The following BPIFC variants were observed in gnomAD, a reference collection of about 807,000 sequenced individuals.
The protein encoded by BPIFC is BPI fold containing family C, also known as BPI fold-containing family C protein.
Under a neutral mutation model 57.6 loss-of-function variants are expected in BPIFC, and 60 were observed. The ratio of observed to expected loss-of-function variants is 1.04; its 90% confidence interval spans 0.85 to 1.29. The LOEUF is 1.29. Among genes scored for constraint, BPIFC ranks in the 50% most tolerant of loss-of-function variants. The probability of loss-of-function intolerance (pLI) is 0.00; values close to 1 mark genes in which losing one functional copy is unlikely to be tolerated. For missense variants in BPIFC, 581 were observed against 600.5 expected, an observed-to-expected ratio of 0.97 and a Z score of 0.34; for synonymous variants, 243 against 224.5, an observed-to-expected ratio of 1.08 and a Z score of -0.74.
At position 32,432,383 on chromosome 22, in the gene BPIFC, G is replaced by A. The variant is rs200495148; in HGVS notation, c.1139C>T (p.Ser380Phe). ...PKNSTVETIV[S>F]MDFVASTSVG... is the part of the protein sequence containing the mutation. ...TCTCCCCAGACTTACGAAGTCCATG[G>A]AAACGATGGTTTCAACTGTGGAGTT... Residue 380 changes from serine to phenylalanine, a missense_variant, in exon 12 of 17, where the codon TCC (serine) becomes TTC (phenylalanine). Coordinates refer to ENST00000300399, the MANE Select transcript of BPIFC (RefSeq NM_174932.3). The A allele has an allele frequency of 1.9e-5, 30 of 1,613,902 alleles. No homozygotes were observed. Among genetic ancestry groups the A allele is most frequent in the Middle Eastern group, 1.7e-4 (1 of 6,000 alleles).
In BPIFC at chr22:32,431,404, G is replaced by A. The variant is rs778186144; in HGVS notation, c.1160C>T (p.Thr387Ile). ...TIVSMDFVAS[T>I]SVGLVILGQR... is the part of the protein sequence containing the mutation. ...TCCCAAAATAACCAGGCCAACACTG[G>A]TACTAGCAACCTATAGACAATAAAA... Residue 387 changes from threonine to isoleucine, a missense_variant, in exon 13 of 17, where the codon ACC (threonine) becomes ATC (isoleucine). Transcript: ENST00000300399. 2.5e-6 allele frequency: 4 copies of A among 1,609,186 alleles called. No individual in the cohort carries two copies. In the South Asian group the frequency reaches 4.4e-5, roughly 18 times the overall value.
rs531294549 is a variant in BPIFC at position 32,446,261 on chromosome 22, A to G, written c.375-265T>C. 3.9e-5 allele frequency among the ~76,000 whole-genome samples: 6 copies of G among 152,316 alleles called. No individual in the cohort carries two copies. In the South Asian group the frequency reaches 1.2e-3, roughly 32 times the overall value. On this transcript the variant is annotated intron_variant, in intron 5 of 16. Transcript: ENST00000300399. Reference sequence around the variant, plus strand: ...CCTGAGTGCTCTGGCCCTGGCAGCGAGTGAGCTTGTATTGAGCACCCTTCA... The same window carrying G: ...CCTGAGTGCTCTGGCCCTGGCAGCGGGTGAGCTTGTATTGAGCACCCTTCA...
intron 3 of BPIFC, among the ~76,000 whole-genome samples, chr22:32,454,721 T>C (rs1934991446): frequency 6.6e-6 from 1 of 152,136 alleles, no homozygotes; most frequent in African/African-American, 2.4e-5. Flanking sequence ...AAAAAAATAT[T>C]GCAATATGGT....
chr22:32,436,239 A>C (rs5754084), intron 9 of BPIFC, among the ~76,000 whole-genome samples: 42,368 of 151,836 alleles, frequency 0.28, 7,279 homozygotes, highest in South Asian at 0.41. Flanking sequence ...AGCTGCAGTG[A>C]ATTGTGACTG....
In BPIFC at chr22:32,414,387, T is replaced by A. The variant is rs777731691; in HGVS notation, c.1440A>T (p.Thr480=). ...GGAAACTTGGCTGCTGCTTTGAGGA[T>A]GTTTCATACTTCAGGTCGGTGGAAA... The part of the protein sequence containing the change: ...LLISTDLKYE[T]SSKQQPSFHV... Residue 480 remains threonine, a synonymous_variant, in exon 17 of 17, where the codon ACA becomes ACT. Coordinates refer to ENST00000300399, the MANE Select transcript of BPIFC (RefSeq NM_174932.3). The A allele has an allele frequency of 3.1e-6, 5 of 1,614,064 alleles. No homozygotes were observed. In the East Asian group the frequency reaches 6.7e-5, roughly 22 times the overall value.
chr22:32,416,056 G>T, intron 15 of BPIFC, 65 bp from the exon 16 acceptor site: 140 of 809,612 alleles, frequency 1.7e-4, no homozygotes, highest in Non-Finnish European at 2.3e-4. Context: ...AAGCTTTTTA[G>T]TAAGAGACTG....
chr22:32,430,415 C>T (rs1165108181), intron 13 of BPIFC, among the ~76,000 whole-genome samples: 1 of 151,446 alleles, frequency 6.6e-6, no homozygotes, highest in Non-Finnish European at 1.5e-5. Context: ...GTTTATATTG[C>T]TGTACCATTA....
rs1223346653 is a variant in BPIFC, at chr22:32,424,600, T to TCTTCTTCTTCTTCTTCTTCTCCTC, written c.1218-5197_1218-5196insGAGGAGAAGAAGAAGAAGAAGAAG. Among the ~76,000 whole-genome samples the TCTTCTTCTTCTTCTTCTTCTCCTC allele has an allele frequency of 2.2e-4, 17 of 78,604 alleles. 2 individuals carry two copies. The highest frequency in any genetic ancestry group is 9.9e-4 in the African/African-American group (12 of 12,066). The allele number at this position is 78,604 out of a possible 152,430, so 51.6% of individuals were successfully genotyped here. ...TTCTTCTTCTTCTTCTTCTTCTTCT[T>TCTTCTTCTTCTTCTTCTTCTCCTC]CTCCTCCTCCTCCTCCTCCTCCTCC... is the stretch of plus-strand genomic sequence containing the variant. On this transcript the variant is annotated intron_variant, in intron 13 of 16. Coordinates refer to ENST00000300399, the MANE Select transcript of BPIFC (RefSeq NM_174932.3).
chr22:32,445,801 C>T (rs761850377), intron 6 of BPIFC, 40 bp downstream of exon 6: 1 of 1,611,626 alleles, frequency 6.2e-7, no homozygotes. Flanking sequence ...GAGTATCCAG[C>T]CCCTAACTAG....
At chr22:32,416,482 A>T (rs1052213343) in intron 15 of BPIFC, among the ~76,000 whole-genome samples, 1 of 152,198 alleles carries the variant, frequency 6.6e-6, no homozygotes, top group African/African-American at 2.4e-5. Context: ...ATTGCTCATT[A>T]ATCTGTGATT....
intron 4 of BPIFC, among the ~76,000 whole-genome samples, chr22:32,450,853 G>A (rs771670980): frequency 2.6e-5 from 4 of 152,004 alleles, no homozygotes; most frequent in African/African-American, 4.8e-5. Context: ...TCTGAAATAC[G>A]TCTTGTTCCA....
intron 1 of BPIFC, 115 bp downstream of exon 1, chr22:32,464,259 A>C (rs1601492059): frequency 3.0e-6 from 1 of 334,804 alleles, no homozygotes; most frequent in Non-Finnish European, 4.2e-6. Context: ...GCAGACAATA[A>C]TAATAACCCA....
intron 14 of BPIFC, among the ~76,000 whole-genome samples, chr22:32,417,422 C>T (rs954167941): frequency 1.9e-4 from 29 of 152,148 alleles, no homozygotes; most frequent in African/African-American, 5.6e-4. Context: ...AACCTCCAAT[C>T]TTGACCTTCC....
At chr22:32,426,413 C>G (rs1326526513) in intron 13 of BPIFC, among the ~76,000 whole-genome samples, 1 of 152,168 alleles carries the variant, frequency 6.6e-6, no homozygotes, top group African/African-American at 2.4e-5. Context: ...TTCAACACAG[C>G]CTTGGCTCCT....
chr22:32,433,112 AG>A (rs1934294821), intron 11 of BPIFC, among the ~76,000 whole-genome samples: 1 of 152,124 alleles, frequency 6.6e-6, no homozygotes. Flanking sequence ...CTGAGTTGGG[AG>A]GATCACTTGA....
At chr22:32,417,692 G>A (rs1933722313) in intron 14 of BPIFC, among the ~76,000 whole-genome samples, 1 of 152,168 alleles carries the variant, frequency 6.6e-6, no homozygotes, top group East Asian at 1.9e-4. Flanking sequence ...ACTACATGGT[G>A]CCAGCAAATG....
Position 32,419,411 on chromosome 22 carries a change from G to A in BPIFC, c.1218-7C>T, listed in dbSNP as rs55807703. 0.042 allele frequency: 68,185 copies of A among 1,611,614 alleles called. 1,741 individuals are homozygous for A. The highest frequency in any genetic ancestry group is 0.044 in the Non-Finnish European group (52,097 of 1,178,228). ...TGGCAAAGCAAGGCGGAATCTAAAA[G>A]AAAACAAGAAAAGTTTAAAGGATTT... is the stretch of plus-strand genomic sequence containing the variant. On this transcript the variant is annotated splice_polypyrimidine_tract_variant and splice_region_variant and intron_variant, in intron 13 of 16. Transcript: ENST00000300399.
intron 13 of BPIFC, among the ~76,000 whole-genome samples, chr22:32,420,113 C>T (rs1255018718): frequency 2.0e-5 from 3 of 151,932 alleles, no homozygotes; most frequent in Non-Finnish European, 4.4e-5. Context: ...GTCAGGAGAT[C>T]GAGACCATCC....
chr22:32,431,386 A>G lies in BPIFC; in HGVS notation c.1178T>C (p.Ile393Thr). The change falls in exon 13 of 17, where the codon ATT (isoleucine) becomes ACT (threonine). Residue 393 changes from isoleucine (I) to threonine (T), a missense_variant. Ile to Thr is a moderately conservative substitution (Grantham distance 89). Coordinates refer to ENST00000300399, the MANE Select transcript of BPIFC (RefSeq NM_174932.3). The stretch of plus-strand genomic sequence containing the variant: ...GGAGCAGACCAGTCTTTGTCCCAAA[A>G]TAACCAGGCCAACACTGGTACTAGC... ...FVASTSVGLVILGQRLVCSLS... is the reference protein window; with the variant it reads ...FVASTSVGLVTLGQRLVCSLS... 1 of 1,612,200 alleles carries G rather than the reference A, an allele frequency of 6.2e-7. No individual in the cohort carries two copies.
Sources: gnomAD v4.1 joint callset for allele counts (sites outside exome capture counted in the v4.1 genomes callset) on GRCh38, gnomAD v4.1.1 for gene constraint, MANE v1.5 for transcripts, NCBI Gene and HGNC (gene_info 2026-07-23, HGNC 2026-07-21) for gene names.